KALRN: variants seen among roughly 807,000 people sequenced by gnomAD.
The protein encoded by KALRN is kalirin.
KALRN carries 70 observed loss-of-function variants against 353.7 expected under a neutral mutation model. The ratio of observed to expected loss-of-function variants is 0.20; its 90% CI spans 0.16 to 0.24. The LOEUF (loss-of-function observed/expected upper bound fraction) is 0.24, where lower values mean the gene tolerates loss of function less well. Ranked by LOEUF, KALRN falls within the 10% of genes least tolerant of loss-of-function variation. KALRN has a pLI of 1.00. For synonymous variants in KALRN, 1,391 were observed against 1,434.8 expected (o/e 0.97, Z 0.69); for missense variants, 2,791 against 3,756.7 (o/e 0.74, Z 6.72).
chr3:124,366,068 T>C (rs1291921062), intron 10 of KALRN, among the ~76,000 whole-genome samples: 3 of 152,214 alleles, frequency 2.0e-5, no homozygotes, highest in Non-Finnish European at 4.4e-5. Context: ...CATATGTGTG[T>C]CATACCAACA....
intron 1 of KALRN, among the ~76,000 whole-genome samples, chr3:124,107,754 T>C (rs955774982): frequency 2.6e-5 from 4 of 151,996 alleles, no homozygotes; most frequent in Non-Finnish European, 5.9e-5. Flanking sequence ...CCAACAGATG[T>C]GGGGTGCTGG....
intron 34 of KALRN, among the ~76,000 whole-genome samples, chr3:124,590,431 A>G (rs1267887849): frequency 2.6e-5 from 4 of 152,154 alleles, no homozygotes; most frequent in African/African-American, 9.7e-5. Flanking sequence ...ATGACTCTGT[A>G]TCTGTTTTTT....
At chr3:124,342,371 G>A in intron 9 of KALRN, among the ~76,000 whole-genome samples, 1 of 152,198 alleles carries the variant, frequency 6.6e-6, no homozygotes, top group East Asian at 1.9e-4. Flanking sequence ...CCATGTGTAT[G>A]CATTATTTAT....
At chr3:124,611,961 C>T (rs2078027083) in intron 34 of KALRN, among the ~76,000 whole-genome samples, 1 of 152,226 alleles carries the variant, frequency 6.6e-6, no homozygotes, top group South Asian at 2.1e-4. Context: ...TCTCAGAGAA[C>T]TGTCACCAGC....
At position 124,079,551 on chromosome 3, in the gene KALRN, C is replaced by T. The variant is rs193041815; in HGVS notation, c.73+45738C>T. Among the ~76,000 whole-genome samples the T allele has an allele frequency of 1.3e-4, 20 of 152,240 alleles. No homozygotes were observed. The East Asian group carries it at 3.3e-3, about 25-fold the overall frequency. Reference sequence around the variant, plus strand: ...ACTGCCACCTGGTGGTAGAGTATACCACCTGTGGGATTTGGAATTGATGAG... The same window carrying T: ...ACTGCCACCTGGTGGTAGAGTATACTACCTGTGGGATTTGGAATTGATGAG... On this transcript the variant is annotated intron_variant, in intron 1 of 59. Coordinates refer to ENST00000682506, the MANE Select transcript of KALRN (RefSeq NM_001388419.1).
At chr3:124,294,407 T>TA (rs1347580050) in intron 5 of KALRN, among the ~76,000 whole-genome samples, 1 of 152,026 alleles carries the variant, frequency 6.6e-6, no homozygotes, top group Non-Finnish European at 1.5e-5. Flanking sequence ...GGCCTGATGA[T>TA]AGCACCTTGT....
chr3:124,230,319 T>C (rs1171749343), intron 2 of KALRN, among the ~76,000 whole-genome samples: 1 of 152,192 alleles, frequency 6.6e-6, no homozygotes, highest in Non-Finnish European at 1.5e-5. Flanking sequence ...GAGCCTTTCC[T>C]CTCCTTCCAG....
At chr3:124,531,230 G>T (rs1439990043) in intron 33 of KALRN, among the ~76,000 whole-genome samples, 1 of 152,244 alleles carries the variant, frequency 6.6e-6, no homozygotes, top group East Asian at 1.9e-4. Context: ...TATATATCCA[G>T]AAGGCAGAAA....
At chr3:124,566,013 C>T (rs2072765166) in intron 34 of KALRN, among the ~76,000 whole-genome samples, 1 of 152,182 alleles carries the variant, frequency 6.6e-6, no homozygotes, top group Non-Finnish European at 1.5e-5. Flanking sequence ...GCTAATTCTG[C>T]CAACCAGCAT....
chr3:124,670,739 G>A (rs2086312064), intron 47 of KALRN, among the ~76,000 whole-genome samples: 1 of 152,136 alleles, frequency 6.6e-6, no homozygotes, highest in African/African-American at 2.4e-5. Flanking sequence ...TTAAAGAATT[G>A]GACCTGTATG....
intron 5 of KALRN, among the ~76,000 whole-genome samples, chr3:124,285,312 C>T (rs1189084966): frequency 1.3e-5 from 2 of 152,036 alleles, no homozygotes; most frequent in African/African-American, 4.8e-5. Flanking sequence ...CTCCTTTCCT[C>T]TGGAACTCTA....
chr3:124,270,824 G>GTTTTTTTTTTTTTTTT (rs777615656), intron 5 of KALRN, among the ~76,000 whole-genome samples: 4 of 78,652 alleles, frequency 5.1e-5, no homozygotes, highest in Non-Finnish European at 7.3e-5. Flanking sequence ...TTTTTGTTTT[G>GTTTTTTTTTTTTTTTT]TTTTTTTTTT....
chr3:124,258,420 T>C (rs2072348422), intron 3 of KALRN, among the ~76,000 whole-genome samples: 1 of 152,182 alleles, frequency 6.6e-6, no homozygotes, highest in African/African-American at 2.4e-5. Flanking sequence ...TGCAATCCTC[T>C]CCTCCCTTAT....
intron 1 of KALRN, among the ~76,000 whole-genome samples, chr3:124,221,676 A>G (rs1323399715): frequency 6.6e-6 from 1 of 152,146 alleles, no homozygotes; most frequent in African/African-American, 2.4e-5. Flanking sequence ...GGTGCTTCCC[A>G]GGTTTCTGTT....
At chr3:124,615,385 T>G (rs2078464147) in intron 34 of KALRN, among the ~76,000 whole-genome samples, 1 of 152,128 alleles carries the variant, frequency 6.6e-6, no homozygotes, top group African/African-American at 2.4e-5. Context: ...TGTCAATATT[T>G]GAAAAAAACA....
At chr3:124,310,283 A>C (rs2078123092) in intron 6 of KALRN, among the ~76,000 whole-genome samples, 1 of 152,188 alleles carries the variant, frequency 6.6e-6, no homozygotes, top group African/African-American at 2.4e-5. Flanking sequence ...TAAATGAAAA[A>C]AAATCTCATG....
At chr3:124,490,949 A>G (rs1000634009) in intron 30 of KALRN, 65 bp downstream of exon 30, 1 of 1,413,598 alleles carries the variant, frequency 7.1e-7, no homozygotes, top group Non-Finnish European at 9.7e-7. Flanking sequence ...GCAGGAAGGG[A>G]TCTGGACACA....
intron 34 of KALRN, among the ~76,000 whole-genome samples, chr3:124,595,086 G>A (rs1188849456): frequency 6.6e-6 from 1 of 151,458 alleles, no homozygotes; most frequent in Non-Finnish European, 1.5e-5. Flanking sequence ...ATACATAAAT[G>A]GGAAAATTTG....
intron 34 of KALRN, among the ~76,000 whole-genome samples, chr3:124,603,600 GCT>G (rs1481775163): frequency 6.6e-6 from 1 of 152,166 alleles, no homozygotes; most frequent in African/African-American, 2.4e-5. Flanking sequence ...CAAAGGCCAA[GCT>G]GTGTCTGACC....
Sources: gnomAD v4.1 joint callset for allele counts (sites outside exome capture counted in the v4.1 genomes callset) on GRCh38, gnomAD v4.1.1 for gene constraint, MANE v1.5 for transcripts, NCBI Gene and HGNC (gene_info 2026-07-23, HGNC 2026-07-21) for gene names.